The following ADGRL3 variants were observed in gnomAD, a reference collection of about 807,000 sequenced individuals.
ADGRL3 encodes the protein adhesion G protein-coupled receptor L3, also known as calcium-independent alpha-latrotoxin receptor 3.
Under a neutral mutation model 153.5 loss-of-function variants are expected in ADGRL3, and 62 were observed. That is an observed-to-expected ratio of 0.40 (90% confidence interval 0.33 to 0.50). The LOEUF (loss-of-function observed/expected upper bound fraction) is 0.50, where lower values mean the gene tolerates loss of function less well. Among genes scored for constraint, ADGRL3 ranks in the 20% least tolerant of loss-of-function variants. The pLI is 0.47. For synonymous variants in ADGRL3, 710 were observed against 672.5 expected (o/e 1.06, Z -0.86); for missense variants, 1,641 against 1,859.4 (o/e 0.88, Z 2.16).
intron 1 of ADGRL3, among the ~76,000 whole-genome samples, chr4:61,334,555 T>C (rs2095638988): frequency 6.6e-6 from 1 of 152,154 alleles, no homozygotes; most frequent in Admixed American, 6.5e-5. Flanking sequence ...TCTCCTTTTC[T>C]GATATGAACT....
chr4:62,074,915 T>C lies in ADGRL3; in HGVS notation c.*4007T>C, dbSNP rs990143836. On this transcript the variant is annotated 3_prime_UTR_variant, in exon 27 of 27. Transcript: ENST00000683033. ...TAGTAACATTTATAAAGGACCCACA[T>C]ATTTAATTTTAGGCATTGTCTTCAG... 3 of 152,122 alleles carry C rather than the reference T, an allele frequency of 2.0e-5. No homozygotes were observed. The highest frequency in any genetic ancestry group is 2.9e-5 in the Non-Finnish European group (2 of 68,006). The allele number at this position is 152,122 out of a possible 1,614,324, so 9.4% of individuals were successfully genotyped here. A position where few individuals can be genotyped will look rare whatever the true frequency, so the allele number is the denominator to read the frequency against.
At chr4:61,294,884 TAC>T (rs3035669) in intron 1 of ADGRL3, among the ~76,000 whole-genome samples, 20,192 of 105,100 alleles carry the variant, frequency 0.19, 1,458 homozygotes, top group Admixed American at 0.3. Context: ...AATTAAATTT[TAC>T]ACACACACAC....
chr4:61,767,435 T>C (rs1049638573), intron 8 of ADGRL3, among the ~76,000 whole-genome samples: 2 of 151,972 alleles, frequency 1.3e-5, no homozygotes, highest in African/African-American at 4.8e-5. Flanking sequence ...AAGAACGTAA[T>C]GTGGAGTGAG....
intron 4 of ADGRL3, among the ~76,000 whole-genome samples, chr4:61,550,414 A>C (rs1172769105): frequency 6.6e-6 from 1 of 152,032 alleles, no homozygotes; most frequent in African/African-American, 2.4e-5. Flanking sequence ...ACAATTTTGA[A>C]CTTGTTTACT....
chr4:61,667,039 A>C (rs940800839), intron 5 of ADGRL3, among the ~76,000 whole-genome samples: 14 of 152,120 alleles, frequency 9.2e-5, no homozygotes, highest in African/African-American at 3.1e-4. Context: ...TAAAAAGCAC[A>C]TTTCCATTTA....
At chr4:61,749,163 C>G (rs1051221345) in intron 8 of ADGRL3, among the ~76,000 whole-genome samples, 2 of 151,998 alleles carry the variant, frequency 1.3e-5, no homozygotes, top group Admixed American at 6.5e-5. Flanking sequence ...CAATGAGATA[C>G]CATCTCACAC....
At chr4:61,467,147 A>T (rs1381702566) in intron 2 of ADGRL3, among the ~76,000 whole-genome samples, 3 of 152,134 alleles carry the variant, frequency 2.0e-5, no homozygotes, top group African/African-American at 7.2e-5. Context: ...CAATTATGTA[A>T]ACAACTAATT....
rs1053489338 is a variant in ADGRL3 at position 61,544,419 on chromosome 4, A to G, written c.259+26901A>G. Among the ~76,000 whole-genome samples, 9 of 152,148 alleles carry G rather than the reference A, an allele frequency of 5.9e-5. No homozygotes were observed. In the East Asian group the frequency reaches 1.4e-3, roughly 23 times the overall value. On this transcript the variant is annotated intron_variant, in intron 4 of 26. Transcript: ENST00000683033. ...AGTCTTTACCTATTTTTCTCTTTGT[A>G]TTTTTTTCATCCTAGCTTTTAAGAA...
intron 2 of ADGRL3, among the ~76,000 whole-genome samples, chr4:61,480,572 G>A (rs2152732428): frequency 6.7e-6 from 1 of 149,184 alleles, no homozygotes; most frequent in East Asian, 2.0e-4. Context: ...GATCACCTGA[G>A]GTCAGGAGTT....
intron 13 of ADGRL3, among the ~76,000 whole-genome samples, chr4:61,934,350 G>A (rs1560396484): frequency 6.6e-6 from 1 of 152,152 alleles, no homozygotes; most frequent in Non-Finnish European, 1.5e-5. Context: ...AAATAGGTTT[G>A]CTATGTGAGT....
At chr4:61,970,719 T>C (rs2099023942) in intron 17 of ADGRL3, among the ~76,000 whole-genome samples, 1 of 152,168 alleles carries the variant, frequency 6.6e-6, no homozygotes. Flanking sequence ...TGTTGGTAGG[T>C]TGCTTCAGTT....
intron 9 of ADGRL3, among the ~76,000 whole-genome samples, chr4:61,818,652 T>G (rs963312065): frequency 6.6e-6 from 1 of 152,152 alleles, no homozygotes; most frequent in East Asian, 1.9e-4. Flanking sequence ...CCCAACCATA[T>G]CAACCAAAGT....
intron 2 of ADGRL3, among the ~76,000 whole-genome samples, chr4:61,449,156 A>G (rs2097642838): frequency 6.6e-6 from 1 of 151,578 alleles, no homozygotes; most frequent in Non-Finnish European, 1.5e-5. Flanking sequence ...TTATTTTTTG[A>G]GACGGAGTCT....
chr4:61,373,153 G>C (rs535757988), intron 1 of ADGRL3, among the ~76,000 whole-genome samples: 1 of 152,084 alleles, frequency 6.6e-6, no homozygotes, highest in South Asian at 2.1e-4. Flanking sequence ...AGATGAACCC[G>C]GTACCTCAGA....
intron 2 of ADGRL3, chr4:61,427,406 G>A (rs2097296316): frequency 6.5e-6 from 1 of 152,866 alleles, no homozygotes; most frequent in South Asian, 2.1e-4. Flanking sequence ...GGTCATAATG[G>A]AGGCCAACTT....
intron 1 of ADGRL3, among the ~76,000 whole-genome samples, chr4:61,320,362 G>A (rs538861540): frequency 2.8e-4 from 43 of 152,286 alleles, no homozygotes; most frequent in African/African-American, 1.0e-3. Flanking sequence ...GTTAGTCAGA[G>A]TTCTTTAGAT....
At chr4:61,464,320 G>T (rs770438492) in intron 2 of ADGRL3, among the ~76,000 whole-genome samples, 1 of 152,140 alleles carries the variant, frequency 6.6e-6, no homozygotes, top group African/African-American at 2.4e-5. Flanking sequence ...GAATAAAGGG[G>T]TATATAGGCA....
At chr4:61,441,087 G>A (rs2097523798) in intron 2 of ADGRL3, among the ~76,000 whole-genome samples, 1 of 151,924 alleles carries the variant, frequency 6.6e-6, no homozygotes, top group African/African-American at 2.4e-5. Context: ...CCATTCTCAT[G>A]GCATCAATTT....
intron 17 of ADGRL3, among the ~76,000 whole-genome samples, chr4:61,977,967 C>A (rs565214189): frequency 5.3e-4 from 80 of 152,152 alleles, no homozygotes; most frequent in African/African-American, 1.9e-3. Flanking sequence ...CTCTGGTAGT[C>A]CCAAGTTTCT....
Sources: allele counts gnomAD v4.1 joint callset (sites outside exome capture counted in the v4.1 genomes callset), GRCh38; gene constraint gnomAD v4.1.1; transcripts MANE v1.5; gene names NCBI Gene and HGNC (gene_info 2026-07-23, HGNC 2026-07-21).